The following FAM124A variants were observed in gnomAD, a reference collection of about 807,000 sequenced individuals.
The protein encoded by FAM124A is family with sequence similarity 124 member A, also known as protein FAM124A.
In FAM124A, 23 loss-of-function variants were observed where a neutral mutation model predicts 24.5. That is an observed-to-expected ratio of 0.94 (90% CI 0.68 to 1.33). The LOEUF is 1.33. Ranked by LOEUF, FAM124A falls within the 40% of genes most tolerant of loss-of-function variation. The pLI, the probability that FAM124A is intolerant of heterozygous loss-of-function variation, is 0.00. For synonymous variants in FAM124A, 287 were observed against 314.7 expected, an observed-to-expected ratio of 0.91 and a Z score of 0.93; for missense variants, 623 against 722.8, an observed-to-expected ratio of 0.86 and a Z score of 1.58.
Position 51,282,737 on chromosome 13 carries a change from T to G in FAM124A, c.*1481T>G, listed in dbSNP as rs1193282429. The stretch of plus-strand genomic sequence containing the variant: ...AGGCAGCAGTTACCAACCATCAGTC[T>G]TCAGCTGAAGCTTCAAGTCTTTGCC... On this transcript the variant is annotated 3_prime_UTR_variant, in exon 4 of 4. Coordinates refer to ENST00000322475, the MANE Select transcript of FAM124A (RefSeq NM_001242312.2). 2.0e-5 allele frequency: 3 copies of G among 152,258 alleles called. No individual in the cohort carries two copies. Among genetic ancestry groups the G allele is most frequent in the Non-Finnish European group, 4.4e-5 (3 of 68,094 alleles). The allele number at this position is 152,258 out of a possible 1,614,324, so 9.4% of individuals were successfully genotyped here.
At chr13:51,254,623 T>C (rs938342273) in intron 3 of FAM124A, among the ~76,000 whole-genome samples, 4 of 152,170 alleles carry the variant, frequency 2.6e-5, no homozygotes, top group African/African-American at 7.2e-5. Flanking sequence ...GAAAGACTCT[T>C]CCCATTGGTT....
At chr13:51,248,961 C>T (rs1319545853) in intron 2 of FAM124A, among the ~76,000 whole-genome samples, 3 of 152,200 alleles carry the variant, frequency 2.0e-5, no homozygotes, top group African/African-American at 7.2e-5. Context: ...CAACTTGATC[C>T]TGATACCCCT....
At chr13:51,256,553 A>G (rs931789128) in intron 3 of FAM124A, among the ~76,000 whole-genome samples, 7 of 152,130 alleles carry the variant, frequency 4.6e-5, no homozygotes, top group Non-Finnish European at 1.0e-4. Context: ...TGCATGCAGC[A>G]AGGAGATTGA....
chr13:51,228,151 A>G (rs1306063606), intron 1 of FAM124A, among the ~76,000 whole-genome samples: 1 of 152,200 alleles, frequency 6.6e-6, no homozygotes, highest in Non-Finnish European at 1.5e-5. Context: ...GAATGCCAAG[A>G]TCAATTCTTA....
At chr13:51,230,956 T>A (rs1262243566) in intron 1 of FAM124A, among the ~76,000 whole-genome samples, 2 of 152,234 alleles carry the variant, frequency 1.3e-5, no homozygotes, top group African/African-American at 2.4e-5. Context: ...CATTTCCCCA[T>A]GGTGTTGTGC....
chr13:51,245,283 G>A (rs780510366), intron 2 of FAM124A: 4 of 626,360 alleles, frequency 6.4e-6, no homozygotes, highest in South Asian at 3.9e-5. Flanking sequence ...AAATCTGGCC[G>A]CCCCCCACTT....
At chr13:51,223,283 C>T (rs192811296) in intron 1 of FAM124A, among the ~76,000 whole-genome samples, 1 of 152,010 alleles carries the variant, frequency 6.6e-6, no homozygotes, top group Non-Finnish European at 1.5e-5. Context: ...TCTCCAAACA[C>T]TGTTTTCCTG....
At chr13:51,227,148 A>C (rs1203578409) in intron 1 of FAM124A, 1 of 152,212 alleles carries the variant, frequency 6.6e-6, no homozygotes, top group South Asian at 2.1e-4. Context: ...ATCACAATAG[A>C]TCCTCTGTTG....
rs1824133388 is a variant in FAM124A at position 51,282,735 on chromosome 13, T to C, written c.*1479T>C. On this transcript the variant is annotated 3_prime_UTR_variant, in exon 4 of 4. Coordinates refer to ENST00000322475, the MANE Select transcript of FAM124A (RefSeq NM_001242312.2). ...CCAGGCAGCAGTTACCAACCATCAG[T>C]CTTCAGCTGAAGCTTCAAGTCTTTG... The C allele has an allele frequency of 6.6e-6, 1 of 152,238 alleles. No individual in the cohort carries two copies. The highest frequency in any genetic ancestry group is 1.5e-5 in the Non-Finnish European group (1 of 68,084). The allele number at this position is 152,238 out of a possible 1,614,324, so 9.4% of individuals were successfully genotyped here.
intron 1 of FAM124A, among the ~76,000 whole-genome samples, chr13:51,230,632 C>T (rs1055264617): frequency 2.0e-5 from 3 of 152,164 alleles, no homozygotes; most frequent in Non-Finnish European, 4.4e-5. Flanking sequence ...CAGAAACTTA[C>T]TAGAGATTAA....
At chr13:51,268,888 C>T (rs957716944) in intron 3 of FAM124A, among the ~76,000 whole-genome samples, 1 of 152,190 alleles carries the variant, frequency 6.6e-6, no homozygotes, top group African/African-American at 2.4e-5. Context: ...CTCAGGAACA[C>T]CAAGTTATCA....
intron 1 of FAM124A, among the ~76,000 whole-genome samples, chr13:51,226,300 T>A (rs1954315379): frequency 6.6e-6 from 1 of 152,062 alleles, no homozygotes; most frequent in Non-Finnish European, 1.5e-5. Context: ...CTTCTGGCCC[T>A]ATAGTGTCAG....
intron 3 of FAM124A, among the ~76,000 whole-genome samples, chr13:51,263,572 A>T (rs1303899165): frequency 6.6e-6 from 1 of 152,182 alleles, no homozygotes; most frequent in African/African-American, 2.4e-5. Context: ...GTAGGTGCAA[A>T]ACCTGGCTGA....
At chr13:51,254,966 A>T (rs777187498) in intron 3 of FAM124A, among the ~76,000 whole-genome samples, 6 of 152,190 alleles carry the variant, frequency 3.9e-5, no homozygotes, top group Admixed American at 3.3e-4. Flanking sequence ...CAGAACAGAG[A>T]CAGAAACCAA....
At chr13:51,245,163 G>A in intron 2 of FAM124A, 1 of 422,620 alleles carries the variant, frequency 2.4e-6, no homozygotes, top group African/African-American at 2.0e-5. Context: ...GCTTGAGGAG[G>A]TGGTGTCTGA....
chr13:51,222,552 G>C lies in FAM124A; in HGVS notation c.51G>C (p.Ser17=), dbSNP rs1372844592. 1 of 1,224,736 alleles carries C rather than the reference G, an allele frequency of 8.2e-7. No individual in the cohort carries two copies. Among genetic ancestry groups the C allele is most frequent in the Non-Finnish European group, 1.0e-6 (1 of 984,364 alleles). 75.9% of individuals were successfully genotyped at this position (1,224,736 alleles called of 1,614,324 possible). A position where few individuals can be genotyped will look rare whatever the true frequency, so the allele number is the denominator to read the frequency against. Residue 17 remains serine (S), a synonymous_variant, in exon 1 of 4, where the codon TCG becomes TCC. Coordinates refer to ENST00000322475, the MANE Select transcript of FAM124A (RefSeq NM_001242312.2). ...GCGAGGAGGACGACTGCGTGGACTC[G>C]GGCGCCGAGACCGGAGGGTGAGCCG... ...GGGEEDDCVD[S]GAETGGSDYS...
chr13:51,248,522 A>G (rs1311250212), intron 2 of FAM124A, among the ~76,000 whole-genome samples: 1 of 152,234 alleles, frequency 6.6e-6, no homozygotes, highest in Non-Finnish European at 1.5e-5. Flanking sequence ...GATCTAGACC[A>G]TGCTCACCTG....
At chr13:51,279,177 G>A (rs1177944480) in intron 3 of FAM124A, among the ~76,000 whole-genome samples, 1 of 152,092 alleles carries the variant, frequency 6.6e-6, no homozygotes, top group Non-Finnish European at 1.5e-5. Flanking sequence ...TGTACCCAAG[G>A]ACTTCTTTCT....
intron 2 of FAM124A, among the ~76,000 whole-genome samples, chr13:51,241,220 CTG>C (rs1393839063): frequency 8.5e-5 from 13 of 152,334 alleles, no homozygotes; most frequent in African/African-American, 2.9e-4. Flanking sequence ...AGCCAGGACT[CTG>C]TAGGTGGAGG....
Sources: allele counts gnomAD v4.1 joint callset (sites outside exome capture counted in the v4.1 genomes callset), GRCh38; gene constraint gnomAD v4.1.1; transcripts MANE v1.5; gene names NCBI Gene and HGNC (gene_info 2026-07-23, HGNC 2026-07-21).